Variants in ADAM23 observed in about 807,000 individuals in gnomAD.
ADAM23 encodes ADAM metallopeptidase domain 23, also known as disintegrin and metalloproteinase domain-containing protein 23.
In ADAM23, 33 loss-of-function variants were observed where a neutral mutation model predicts 120.1. The observed-to-expected ratio is 0.27, with a 90% confidence interval of 0.21 to 0.37. The LOEUF is 0.37. ADAM23 is among the 10% of genes least tolerant of loss of function. The pLI is 1.00. For missense variants in ADAM23, 862 were observed against 1,058.2 expected, an observed-to-expected ratio of 0.81 and a Z score of 2.57; for synonymous variants, 367 against 375.2, an observed-to-expected ratio of 0.98 and a Z score of 0.25.
intron 2 of ADAM23, among the ~76,000 whole-genome samples, chr2:206,452,766 G>A (rs1261025156): frequency 6.6e-6 from 1 of 152,116 alleles, no homozygotes; most frequent in Non-Finnish European, 1.5e-5. Context: ...ATCTTTCTCA[G>A]CCATGCCCCT....
At chr2:206,546,619 A>T (rs1697403191) in intron 6 of ADAM23, among the ~76,000 whole-genome samples, 1 of 152,124 alleles carries the variant, frequency 6.6e-6, no homozygotes, top group African/African-American at 2.4e-5. Context: ...ATGTTTCAGA[A>T]TATGTTCTTC....
intron 3 of ADAM23, among the ~76,000 whole-genome samples, chr2:206,490,419 G>A (rs548670936): frequency 1.7e-4 from 26 of 152,136 alleles, no homozygotes; most frequent in African/African-American, 6.3e-4. Flanking sequence ...GGGTAAAACT[G>A]TTTGTCCCTT....
intron 3 of ADAM23, among the ~76,000 whole-genome samples, chr2:206,482,804 C>T (rs992743739): frequency 6.6e-6 from 1 of 152,132 alleles, no homozygotes; most frequent in African/African-American, 2.4e-5. Flanking sequence ...TGGCAGCTCT[C>T]AGGCTGGAGG....
chr2:206,468,952 G>A lies in ADAM23; in HGVS notation c.433-12280G>A, dbSNP rs141960562. The stretch of plus-strand genomic sequence containing the variant: ...GCCAGAACAGGAGGAAGAGAGATGG[G>A]ACGAGGTGCCACACACTTTTAAACA... On this transcript the variant is annotated intron_variant, in intron 2 of 25. Transcript: ENST00000264377. Among the ~76,000 whole-genome samples, 25 of 152,242 alleles carry A rather than the reference G, an allele frequency of 1.6e-4. No individual in the cohort carries two copies. The East Asian group carries it at 4.8e-3, about 29-fold the overall frequency.
chr2:206,536,299 T>A (rs565601056), intron 4 of ADAM23, among the ~76,000 whole-genome samples: 13 of 152,232 alleles, frequency 8.5e-5, no homozygotes, highest in African/African-American at 2.9e-4. Flanking sequence ...ATGTGTAGAA[T>A]CTAAAAAAGT....
At chr2:206,462,332 C>T (rs1289093854) in intron 2 of ADAM23, among the ~76,000 whole-genome samples, 1 of 152,152 alleles carries the variant, frequency 6.6e-6, no homozygotes, top group African/African-American at 2.4e-5. Flanking sequence ...TCCCAGCACG[C>T]CCCAAAGGCT....
chr2:206,530,541 G>A lies in ADAM23; in HGVS notation c.510-344G>A, dbSNP rs142432828. Among the ~76,000 whole-genome samples, 585 of 151,470 alleles carry A rather than the reference G, an allele frequency of 3.9e-3. 2 individuals carry two copies. Among genetic ancestry groups the A allele is most frequent in the African/African-American group, 0.011 (461 of 41,218 alleles). On this transcript the variant is annotated intron_variant, in intron 3 of 25. Coordinates refer to ENST00000264377, the MANE Select transcript of ADAM23 (RefSeq NM_003812.4). The stretch of plus-strand genomic sequence containing the variant: ...TGTGAATAAAAAGAGTTCACCGTCC[G>A]GGAGGCGGAGCTTGCAGTGAGCCGA...
Position 206,600,668 on chromosome 2 carries a change from A to G in ADAM23, c.2359+4506A>G, listed in dbSNP as rs915130038. Among the ~76,000 whole-genome samples the G allele has an allele frequency of 1.4e-4, 21 of 152,238 alleles. No homozygotes were observed. The Middle Eastern group carries it at 0.01, about 74-fold the overall frequency. The stretch of plus-strand genomic sequence containing the variant: ...AGTTCCTGGAAGAATAGGAAATTCA[A>G]CCTCTCCTGTGTGAGGACTGAAAGC... On this transcript the variant is annotated intron_variant, in intron 24 of 25. Coordinates refer to ENST00000264377, the MANE Select transcript of ADAM23 (RefSeq NM_003812.4).
At chr2:206,510,572 A>G (rs746570804) in intron 3 of ADAM23, among the ~76,000 whole-genome samples, 1 of 152,226 alleles carries the variant, frequency 6.6e-6, no homozygotes. Flanking sequence ...GTTTCTCCAT[A>G]CTTCCTGGAT....
At chr2:206,593,643 C>A (rs1047044457) in intron 22 of ADAM23, among the ~76,000 whole-genome samples, 1 of 151,908 alleles carries the variant, frequency 6.6e-6, no homozygotes, top group Non-Finnish European at 1.5e-5. Context: ...TTTGTAGTCT[C>A]TAAAGCTAGT....
At chr2:206,477,901 T>TATATATAC (rs1325732849) in intron 2 of ADAM23, among the ~76,000 whole-genome samples, 158 of 122,230 alleles carry the variant, frequency 1.3e-3, no homozygotes, top group Middle Eastern at 4.0e-3. Context: ...AAAAAAAATA[T>TATATATAC]ATATATATAT....
chr2:206,542,445 A>G (rs1379552450), intron 5 of ADAM23, among the ~76,000 whole-genome samples: 2 of 152,238 alleles, frequency 1.3e-5, no homozygotes, highest in East Asian at 3.8e-4. Flanking sequence ...ATTCCAGAGG[A>G]CATATCAGTT....
At chr2:206,477,086 A>G (rs1388229127) in intron 2 of ADAM23, among the ~76,000 whole-genome samples, 2 of 152,194 alleles carry the variant, frequency 1.3e-5, no homozygotes, top group Non-Finnish European at 2.9e-5. Context: ...ACACAATAGT[A>G]TCTATTGAGC....
chr2:206,612,841 A>T (rs907206780), intron 25 of ADAM23, among the ~76,000 whole-genome samples: 1 of 152,218 alleles, frequency 6.6e-6, no homozygotes, highest in Non-Finnish European at 1.5e-5. Context: ...GATAATAAAG[A>T]TGTATCAAGA....
intron 2 of ADAM23, among the ~76,000 whole-genome samples, chr2:206,457,757 T>C (rs1695328393): frequency 6.6e-6 from 1 of 152,258 alleles, no homozygotes; most frequent in Non-Finnish European, 1.5e-5. Context: ...AAATAATATG[T>C]CAGACATTCG....
At chr2:206,610,549 A>C (rs1698807849) in intron 25 of ADAM23, among the ~76,000 whole-genome samples, 1 of 152,226 alleles carries the variant, frequency 6.6e-6, no homozygotes, top group African/African-American at 2.4e-5. Context: ...AATTGGTTTT[A>C]AATCAGAATT....
intron 7 of ADAM23, 69 bp from the exon 8 acceptor site, chr2:206,548,212 G>A (rs1215212204): frequency 7.1e-7 from 1 of 1,414,792 alleles, no homozygotes; most frequent in Non-Finnish European, 9.9e-7. Context: ...GTTTCTTCAT[G>A]TAATATTTTA....
chr2:206,508,240 A>G (rs572190091), intron 3 of ADAM23, among the ~76,000 whole-genome samples: 57 of 152,274 alleles, frequency 3.7e-4, no homozygotes, highest in Middle Eastern at 3.4e-3. Context: ...CGTGTTAGCC[A>G]GGATGGTCTT....
chr2:206,507,431 C>T (rs1390043828), intron 3 of ADAM23, among the ~76,000 whole-genome samples: 3 of 152,148 alleles, frequency 2.0e-5, no homozygotes, highest in Non-Finnish European at 1.5e-5. Context: ...TCCTCTTCCT[C>T]CTGCTCTGGC....
Sources: gnomAD v4.1 joint callset for allele counts (sites outside exome capture counted in the v4.1 genomes callset) on GRCh38, gnomAD v4.1.1 for gene constraint, MANE v1.5 for transcripts, NCBI Gene and HGNC (gene_info 2026-07-23, HGNC 2026-07-21) for gene names.